The following ARHGEF10L variants were observed in gnomAD, a reference collection of about 807,000 sequenced individuals.
ARHGEF10L encodes the protein rho guanine nucleotide exchange factor 10-like protein.
In ARHGEF10L, 69 loss-of-function variants were observed where a neutral mutation model predicts 141.2. That is an observed-to-expected ratio of 0.49 (90% CI 0.40 to 0.60). ARHGEF10L has a LOEUF of 0.60. Among genes scored for constraint, ARHGEF10L ranks in the 20% least tolerant of loss-of-function variants. ARHGEF10L has a pLI of 0.00. For synonymous variants in ARHGEF10L, 711 were observed against 718.5 expected (o/e 0.99, Z 0.17); for missense variants, 1,482 against 1,734.3 (o/e 0.85, Z 2.58).
At chr1:17,539,268 A>G (rs190789274), upstream of ARHGEF10L, among the ~76,000 whole-genome samples, 6 of 152,320 alleles carry the variant, frequency 3.9e-5, no homozygotes, top group Non-Finnish European at 7.4e-5. The surrounding 1 kb of genome is among the most constrained non-coding windows in gnomAD (Gnocchi z 6.0). Flanking sequence ...GGGGCAGGTC[A>G]TAAGTCTAGG....
intron 4 of ARHGEF10L, among the ~76,000 whole-genome samples, chr1:17,590,326 G>A (rs1432087619): frequency 1.3e-5 from 2 of 152,062 alleles, no homozygotes; most frequent in East Asian, 1.9e-4. Context: ...GGAGAGTGGC[G>A]TCTAAGCAGT....
At chr1:17,517,915 G>T in the ARHGEF10L span, among the ~76,000 whole-genome samples, 65 of 152,280 alleles carry the variant, frequency 4.3e-4, no homozygotes, top group African/African-American at 1.5e-3. Context: ...AACCGCCTCG[G>T]CCTCCCAAAA....
chr1:17,621,800 C>A lies in ARHGEF10L; in HGVS notation c.943-64C>A. 1 of 1,476,828 alleles carries A rather than the reference C, an allele frequency of 6.8e-7. No homozygotes were observed. Among genetic ancestry groups the A allele is most frequent in the Non-Finnish European group, 9.5e-7 (1 of 1,055,612 alleles). 91.5% of individuals were successfully genotyped at this position (1,476,828 alleles called of 1,614,324 possible). ...TGTCCTATAGTTGTCAGCTCCCCTT[C>A]CTGTCACTTGGGCCCTGTGCAGCAG... On this transcript the variant is annotated intron_variant, in intron 10 of 28. Transcript: ENST00000361221. This position sits in a 1 kb window ranked among gnomAD's most constrained non-coding sequence, Gnocchi z 4.1.
chr1:17,678,190 G>A (rs1377234459), intron 26 of ARHGEF10L, among the ~76,000 whole-genome samples: 2 of 152,178 alleles, frequency 1.3e-5, no homozygotes, highest in African/African-American at 2.4e-5. Flanking sequence ...GGTAAGACTC[G>A]CAGCAAAGGT....
intron 26 of ARHGEF10L, among the ~76,000 whole-genome samples, chr1:17,679,298 C>G (rs576425194): frequency 6.6e-6 from 1 of 152,224 alleles, no homozygotes; most frequent in African/African-American, 2.4e-5. Flanking sequence ...TGGTGCACAA[C>G]CTCTTGGCCT....
At chr1:17,642,841 C>T (rs894418041) in intron 21 of ARHGEF10L, among the ~76,000 whole-genome samples, 3 of 152,216 alleles carry the variant, frequency 2.0e-5, no homozygotes, top group Admixed American at 6.5e-5. Flanking sequence ...TGCATCACTT[C>T]CATCCTGAGA....
intron 26 of ARHGEF10L, among the ~76,000 whole-genome samples, chr1:17,671,362 G>T (rs1190664833): frequency 6.6e-6 from 1 of 152,234 alleles, no homozygotes; most frequent in South Asian, 2.1e-4. Flanking sequence ...ATTCGCAGAA[G>T]GGGCTTGTCC....
intron 25 of ARHGEF10L, among the ~76,000 whole-genome samples, chr1:17,659,033 G>A (rs1401604629): frequency 7.9e-5 from 12 of 152,118 alleles, no homozygotes; most frequent in African/African-American, 1.9e-4. Flanking sequence ...GGCACTGGGC[G>A]TGACCCGGGG....
At chr1:17,588,079 A>G (rs914106979) in intron 3 of ARHGEF10L, among the ~76,000 whole-genome samples, 2 of 152,132 alleles carry the variant, frequency 1.3e-5, no homozygotes, top group African/African-American at 4.8e-5. Context: ...CTGGGCTCTT[A>G]GAGTCTGTTA....
At chr1:17,677,792 C>G (rs2063818491) in intron 26 of ARHGEF10L, among the ~76,000 whole-genome samples, 1 of 152,238 alleles carries the variant, frequency 6.6e-6, no homozygotes, top group African/African-American at 2.4e-5. Flanking sequence ...GGGTCAGGAG[C>G]TGAACCCTGT....
At chr1:17,545,625 T>C (rs1431471650) in intron 1 of ARHGEF10L, among the ~76,000 whole-genome samples, 4 of 152,142 alleles carry the variant, frequency 2.6e-5, no homozygotes, top group African/African-American at 9.7e-5. Context: ...ATTAAGTAGC[T>C]TGGGGCTTGT....
In ARHGEF10L at chr1:17,621,736, C is replaced by T; in HGVS notation, c.943-128C>T. On this transcript the variant is annotated intron_variant, in intron 10 of 28. Coordinates refer to ENST00000361221, the MANE Select transcript of ARHGEF10L (RefSeq NM_018125.4). This position sits in a 1 kb window ranked among gnomAD's most constrained non-coding sequence, Gnocchi z 4.1. ...TGGAAGGAAGAGTGGCCACCAGGCC[C>T]AGTGGTCCCAGGTGGGACCTGGGAG... 3 of 794,360 alleles carry T rather than the reference C, an allele frequency of 3.8e-6. No homozygotes were observed. The highest frequency in any genetic ancestry group is 4.3e-6 in the Non-Finnish European group (2 of 465,470). 49.2% of individuals were successfully genotyped at this position (794,360 alleles called of 1,614,324 possible). A position where few individuals can be genotyped will look rare whatever the true frequency, so the allele number is the denominator to read the frequency against.
intron 4 of ARHGEF10L, among the ~76,000 whole-genome samples, chr1:17,597,489 T>C (rs1029258126): frequency 1.3e-5 from 2 of 152,264 alleles, no homozygotes; most frequent in East Asian, 1.9e-4. Context: ...CCTCTTTGCA[T>C]GCGTGTCTTG....
At chr1:17,650,976 G>A (rs1026021698) in intron 22 of ARHGEF10L, among the ~76,000 whole-genome samples, 3 of 152,152 alleles carry the variant, frequency 2.0e-5, no homozygotes, top group Non-Finnish European at 4.4e-5. Flanking sequence ...TGGTTTGGCC[G>A]CTCTTTTTGT....
At chr1:17,596,522 T>C (rs1390293203) in intron 4 of ARHGEF10L, among the ~76,000 whole-genome samples, 2 of 152,360 alleles carry the variant, frequency 1.3e-5, no homozygotes, top group African/African-American at 4.8e-5. Flanking sequence ...CTTTCTCATA[T>C]TTGTTATGCC....
chr1:17,695,572 C>T (rs568114627), intron 28 of ARHGEF10L, among the ~76,000 whole-genome samples: 10 of 152,380 alleles, frequency 6.6e-5, no homozygotes, highest in African/African-American at 2.4e-4. Flanking sequence ...CTTTCTGCTG[C>T]TTCCCATAGC....
Position 17,656,968 on chromosome 1 carries a change from C to T in ARHGEF10L, c.2860+260C>T, listed in dbSNP as rs2102048163. On this transcript the variant is annotated intron_variant, in intron 25 of 28. Coordinates refer to ENST00000361221, the MANE Select transcript of ARHGEF10L (RefSeq NM_018125.4). The surrounding 1 kb of genome is among the most constrained non-coding windows in gnomAD (Gnocchi z 4.9). ...GAGACTGTAGTGGATAAGAGAGGTA[C>T]TCGCAGGTTGGAGAGACCTGGCTTC... is the stretch of plus-strand genomic sequence containing the variant. 6.6e-6 allele frequency among the ~76,000 whole-genome samples: 1 copy of T among 152,284 alleles called. No individual in the cohort carries two copies. The highest frequency in any genetic ancestry group is 6.5e-5 in the Admixed American group (1 of 15,294).
Position 17,623,771 on chromosome 1 carries a change from G to A in ARHGEF10L, c.1200+596G>A, listed in dbSNP as rs1361410614. ...CATGGGGTGAGGGAAGGTCAAGTTG[G>A]TAGCACTCTACTTTGATGTGTTTTA... On this transcript the variant is annotated intron_variant, in intron 12 of 28. Transcript: ENST00000361221. The surrounding 1 kb of genome is among the most constrained non-coding windows in gnomAD (Gnocchi z 4.7). Among the ~76,000 whole-genome samples the A allele has an allele frequency of 6.6e-6, 1 of 152,186 alleles. No individual in the cohort carries two copies. The highest frequency in any genetic ancestry group is 6.5e-5 in the Admixed American group (1 of 15,284).
In ARHGEF10L at chr1:17,625,886, T is replaced by C. The variant is rs1009300059; in HGVS notation, c.1318-70T>C. On this transcript the variant is annotated intron_variant, in intron 13 of 28. Transcript: ENST00000361221. This position sits in a 1 kb window ranked among gnomAD's most constrained non-coding sequence, Gnocchi z 4.5. ...GGAGAGGAGCCCAGAATGGGGACAG[T>C]GTCTGGACTCTGGGGCACTGGGCCC... is the stretch of plus-strand genomic sequence containing the variant. The C allele has an allele frequency of 2.9e-6, 4 of 1,358,804 alleles. No homozygotes were observed. Among genetic ancestry groups the C allele is most frequent in the Non-Finnish European group, 4.2e-6 (4 of 954,962 alleles). The allele number at this position is 1,358,804 out of a possible 1,614,324, so 84.2% of individuals were successfully genotyped here.
Sources: allele counts gnomAD v4.1 joint callset (sites outside exome capture counted in the v4.1 genomes callset), GRCh38; gene constraint gnomAD v4.1.1; non-coding constraint Gnocchi (gnomAD v3.1); transcripts MANE v1.5; gene names NCBI Gene and HGNC (gene_info 2026-07-23, HGNC 2026-07-21).